The following CDK7 variants were observed in gnomAD, a reference collection of about 807,000 sequenced individuals.
The protein encoded by CDK7 is cyclin-dependent kinase 7.
A neutral mutation model predicts 49.1 loss-of-function variants in CDK7; 25 were observed. The ratio of observed to expected loss-of-function variants is 0.51; its 90% CI spans 0.37 to 0.71. The LOEUF (loss-of-function observed/expected upper bound fraction) is 0.71. CDK7 is among the 30% of genes least tolerant of loss of function. CDK7 has a pLI of 0.00. For synonymous variants in CDK7, 107 were observed against 140.0 expected, an observed-to-expected ratio of 0.76 and a Z score of 1.67; for missense variants, 316 against 411.7, an observed-to-expected ratio of 0.77 and a Z score of 2.01.
intron 8 of CDK7, among the ~76,000 whole-genome samples, chr5:69,264,985 C>T (rs376977729): frequency 6.7e-6 from 1 of 148,692 alleles, no homozygotes; most frequent in Non-Finnish European, 1.5e-5. Context: ...AAAAAAAGGC[C>T]AGGCACGGTG....
chr5:69,271,848 T>C (rs1040205489), intron 9 of CDK7, among the ~76,000 whole-genome samples: 2 of 152,144 alleles, frequency 1.3e-5, no homozygotes, highest in Non-Finnish European at 2.9e-5. Context: ...TCTACAAGTT[T>C]TGTAGTTTTA....
chr5:69,242,788 G>C (rs1029093892), intron 2 of CDK7, among the ~76,000 whole-genome samples: 1 of 152,224 alleles, frequency 6.6e-6, no homozygotes, highest in Non-Finnish European at 1.5e-5. Flanking sequence ...GCTCATGTCT[G>C]TAATCCCAGC....
chr5:69,243,840 T>G (rs1255349853), intron 2 of CDK7, among the ~76,000 whole-genome samples: 1 of 140,700 alleles, frequency 7.1e-6, no homozygotes, highest in African/African-American at 2.6e-5. Context: ...TTTTTTTTTT[T>G]TTTTTTTTTT....
intron 2 of CDK7, among the ~76,000 whole-genome samples, chr5:69,236,323 A>G (rs1748973313): frequency 6.6e-6 from 1 of 152,056 alleles, no homozygotes. Flanking sequence ...AAAACAATCT[A>G]TAAAGTGGTT....
chr5:69,234,839 A>G (rs540092591), upstream of CDK7: 1 of 853,970 alleles, frequency 1.2e-6, no homozygotes, highest in Non-Finnish European at 1.9e-6. Context: ...TCCGCCCACC[A>G]CGGAAGTGAG....
At chr5:69,248,295 T>A (rs960105629) in intron 2 of CDK7, among the ~76,000 whole-genome samples, 2 of 152,206 alleles carry the variant, frequency 1.3e-5, no homozygotes, top group Admixed American at 1.3e-4. Context: ...TACTGAAAAG[T>A]CTGCTGCCAG....
At chr5:69,246,764 T>C (rs57899037) in intron 2 of CDK7, among the ~76,000 whole-genome samples, 2,769 of 152,052 alleles carry the variant, frequency 0.018, 95 homozygotes, top group African/African-American at 0.063. Flanking sequence ...AGTACTGCTT[T>C]CCCCGTATCC....
chr5:69,266,680 T>C (rs1448837221), intron 8 of CDK7, among the ~76,000 whole-genome samples: 2 of 148,794 alleles, frequency 1.3e-5, no homozygotes, highest in Admixed American at 6.7e-5. Context: ...GCAGGTGGGG[T>C]GAGGACTTCA....
At position 69,272,654 on chromosome 5, in the gene CDK7, T is replaced by C. The variant is rs533739469; in HGVS notation, c.715-238T>C. 3.1e-3 allele frequency among the ~76,000 whole-genome samples: 468 copies of C among 152,206 alleles called. 1 individual carries two copies. Among genetic ancestry groups the C allele is most frequent in the Non-Finnish European group, 5.3e-3 (361 of 68,000 alleles). ...TTCTTTTTGGGGTGATTATAAATAG[T>C]ACTGTGTTTTTAATTTTGATGTCCA... On this transcript the variant is annotated intron_variant, in intron 9 of 11. Coordinates refer to ENST00000256443, the MANE Select transcript of CDK7 (RefSeq NM_001799.4).
intron 8 of CDK7, among the ~76,000 whole-genome samples, chr5:69,263,572 A>C (rs896756104): frequency 2.6e-5 from 4 of 152,198 alleles, no homozygotes; most frequent in Non-Finnish European, 5.9e-5. Flanking sequence ...CATTTTGAGA[A>C]ACTTACCCAA....
chr5:69,239,854 T>C (rs550395455), intron 2 of CDK7, among the ~76,000 whole-genome samples: 1 of 152,000 alleles, frequency 6.6e-6, no homozygotes, highest in African/African-American at 2.4e-5. Flanking sequence ...TTTTCCTTTG[T>C]TGTATGATAT....
chr5:69,254,586 T>C lies in CDK7; in HGVS notation c.161-16T>C, dbSNP rs752429901. On this transcript the variant is annotated splice_polypyrimidine_tract_variant and intron_variant, in intron 3 of 11. Coordinates refer to ENST00000256443, the MANE Select transcript of CDK7 (RefSeq NM_001799.4). ...ATTTCAGAATTATTCACTTTTTGCT[T>C]TGCCTTTTTATATAGGTATAAATAG... The C allele has an allele frequency of 1.6e-6, 2 of 1,246,684 alleles. No homozygotes were observed. The highest frequency in any genetic ancestry group is 2.3e-6 in the Non-Finnish European group (2 of 857,834). 77.2% of individuals were successfully genotyped at this position (1,246,684 alleles called of 1,614,324 possible).
intron 4 of CDK7, among the ~76,000 whole-genome samples, chr5:69,255,045 T>C (rs555299449): frequency 2.0e-4 from 31 of 152,310 alleles, no homozygotes; most frequent in African/African-American, 5.1e-4. Flanking sequence ...GACTAGCCAA[T>C]TGAATAGATG....
At chr5:69,236,604 A>G (rs1031036945) in intron 2 of CDK7, among the ~76,000 whole-genome samples, 1 of 151,890 alleles carries the variant, frequency 6.6e-6, no homozygotes, top group Non-Finnish European at 1.5e-5. Context: ...CTGACTGACT[A>G]CTTCTTCTCA....
chr5:69,245,372 A>G (rs1218662039), intron 2 of CDK7, among the ~76,000 whole-genome samples: 1 of 135,944 alleles, frequency 7.4e-6, no homozygotes, highest in South Asian at 2.4e-4. Context: ...TTCTCGCTCT[A>G]TCGCCTACCC....
At chr5:69,249,357 A>G (rs950254501) in intron 2 of CDK7, among the ~76,000 whole-genome samples, 5 of 151,042 alleles carry the variant, frequency 3.3e-5, no homozygotes, top group African/African-American at 1.2e-4. Context: ...CCTGGGAGAC[A>G]TGGTGAAACC....
At chr5:69,243,417 A>G (rs1012142339) in intron 2 of CDK7, among the ~76,000 whole-genome samples, 26 of 152,152 alleles carry the variant, frequency 1.7e-4, no homozygotes, top group African/African-American at 5.8e-4. Flanking sequence ...ATTGTATGTT[A>G]TTGGCACCAT....
Position 69,259,804 on chromosome 5 carries a change from CT to C in CDK7, c.409-12del. On this transcript the variant is annotated splice_polypyrimidine_tract_variant and intron_variant, in intron 6 of 11. Coordinates refer to ENST00000256443, the MANE Select transcript of CDK7 (RefSeq NM_001799.4). ...ACCCTGCTTATTTGTTTGTTTAAAA[CT>C]TCCGTCATATAGGATCTGAAACCAA... 6.4e-7 allele frequency: 1 copy of C among 1,567,922 alleles called. No homozygotes were observed. The highest frequency in any genetic ancestry group is 8.8e-7 in the Non-Finnish European group (1 of 1,138,196).
At chr5:69,256,784 A>G (rs573935411) in intron 5 of CDK7, among the ~76,000 whole-genome samples, 13 of 152,014 alleles carry the variant, frequency 8.6e-5, no homozygotes, top group African/African-American at 2.4e-4. Context: ...ATAATAGGCT[A>G]TGGACTCACC....
Sources: gnomAD v4.1 joint callset for allele counts (sites outside exome capture counted in the v4.1 genomes callset) on GRCh38, gnomAD v4.1.1 for gene constraint, MANE v1.5 for transcripts, NCBI Gene and HGNC (gene_info 2026-07-23, HGNC 2026-07-21) for gene names.